MYH4: variants seen among roughly 807,000 people sequenced by gnomAD.
MYH4 encodes myosin-4.
Under a neutral mutation model 229.9 loss-of-function variants are expected in MYH4, and 200 were observed. The observed-to-expected ratio is 0.87, with a 90% CI of 0.78 to 0.98. The LOEUF (loss-of-function observed/expected upper bound fraction) is 0.98, where lower values mean the gene tolerates loss of function less well. Among genes scored for constraint, MYH4 ranks in the 50% least tolerant of loss-of-function variants. The pLI, the probability that MYH4 is intolerant of heterozygous loss-of-function variation, is 0.00. For synonymous variants in MYH4, 761 were observed against 834.6 expected, an observed-to-expected ratio of 0.91 and a Z score of 1.52; for missense variants, 2,148 against 2,332.6, an observed-to-expected ratio of 0.92 and a Z score of 1.63.
chr17:10,460,669 A>G (rs918876844), intron 12 of MYH4, among the ~76,000 whole-genome samples: 6 of 152,256 alleles, frequency 3.9e-5, no homozygotes, highest in African/African-American at 1.4e-4. Context: ...CACACAGATT[A>G]TCCTGAAATA....
chr17:10,464,612 G>A lies in MYH4; in HGVS notation c.534-26C>T, dbSNP rs768308289. 11 of 1,613,506 alleles carry A rather than the reference G, an allele frequency of 6.8e-6. No individual in the cohort carries two copies. The African/African-American group carries it at 1.2e-4, about 18-fold the overall frequency. ...CTATCAAGTTCAAACAGAAGAAAAG[G>A]TCAGAATCTAAGGTAGTAGTAGCCA... On this transcript the variant is annotated intron_variant, in intron 6 of 39. Transcript: ENST00000255381.
At position 10,466,670 on chromosome 17, in the gene MYH4, C is replaced by T. The variant is rs2072771484; in HGVS notation, c.76G>A (p.Glu26Lys). The change falls in exon 3 of 40, where the codon GAA (glutamate) becomes AAA (lysine). Residue 26 changes from glutamate to lysine, a missense_variant. Glu to Lys is a moderately conservative substitution (Grantham distance 56). Transcript: ENST00000255381. ...GCATCAAAAGGCTTGTTCTGAGCTT[C>T]AATTCGCTCCTTTTCAGACTTTCGG... ...FLRKSEKERI[E>K]AQNKPFDAKT... is the part of the protein sequence containing the mutation. 6.2e-7 allele frequency: 1 copy of T among 1,614,028 alleles called. No homozygotes were observed. The highest frequency in any genetic ancestry group is 8.5e-7 in the Non-Finnish European group (1 of 1,180,044).
intron 15 of MYH4, 84 bp from the exon 16 acceptor site, chr17:10,457,813 A>G (rs538868389): frequency 1.0e-5 from 15 of 1,477,482 alleles, no homozygotes; most frequent in South Asian, 9.5e-5. Context: ...TGAAAATACA[A>G]TGTTTCAAAA....
Position 10,452,250 on chromosome 17 carries a change from G to A in MYH4, c.3429C>T (p.Leu1143=), listed in dbSNP as rs2072584768. ...CACTGATCTCCTCCAGCTCCCGGGAGAGGTCAGAGCGCTGCTTCTCTGCTT... is the reference window on the plus strand; with the variant it reads ...CACTGATCTCCTCCAGCTCCCGGGAAAGGTCAGAGCGCTGCTTCTCTGCTT... ...RAKAEKQRSD[L]SRELEEISER... is the part of the protein sequence containing the mutation. The change falls in exon 27 of 40, where the codon CTC becomes CTT. Residue 1143 remains leucine (L), a synonymous_variant. Transcript: ENST00000255381. The A allele has an allele frequency of 1.4e-5, 23 of 1,613,978 alleles. No homozygotes were observed. Among genetic ancestry groups the A allele is most frequent in the Non-Finnish European group, 1.9e-5 (23 of 1,180,016 alleles).
In MYH4 at chr17:10,466,773, G is replaced by A; in HGVS notation, c.-28C>T. The A allele has an allele frequency of 6.2e-7, 1 of 1,613,152 alleles. No homozygotes were observed. The highest frequency in any genetic ancestry group is 8.5e-7 in the Non-Finnish European group (1 of 1,179,162). ...CTGCAGGTTATTGATGGCAGTACTG[G>A]ACTAGGTATACCTAGAGGAAGAAAC... On this transcript the variant is annotated 5_prime_UTR_variant, in exon 3 of 40. Coordinates refer to ENST00000255381, the MANE Select transcript of MYH4 (RefSeq NM_017533.2).
intron 4 of MYH4, 27 bp from the exon 5 acceptor site, chr17:10,465,625 T>TA: frequency 3.1e-6 from 5 of 1,613,982 alleles, no homozygotes; most frequent in Non-Finnish European, 4.2e-6. Context: ...GGTTCCTCGA[T>TA]CAGCAATCAC....
At position 10,452,513 on chromosome 17, in the gene MYH4, G is replaced by C; in HGVS notation, c.3258-7C>G. The C allele has an allele frequency of 6.2e-7, 1 of 1,611,974 alleles. No individual in the cohort carries two copies. The highest frequency in any genetic ancestry group is 1.1e-5 in the South Asian group (1 of 91,000). Reference sequence around the variant, plus strand: ...GCTCATTTCAAACTCTTTCCTATTAGAAGAGCAACACATTAGCTTATAATC... The same window carrying C: ...GCTCATTTCAAACTCTTTCCTATTACAAGAGCAACACATTAGCTTATAATC... On this transcript the variant is annotated splice_region_variant and splice_polypyrimidine_tract_variant and intron_variant, in intron 25 of 39. Coordinates refer to ENST00000255381, the MANE Select transcript of MYH4 (RefSeq NM_017533.2).
At position 10,447,892 on chromosome 17, in the gene MYH4, T is replaced by C. The variant is rs965232190; in HGVS notation, c.4891A>G (p.Ile1631Val). 1 of 1,613,944 alleles carries C rather than the reference T, an allele frequency of 6.2e-7. No homozygotes were observed. Among genetic ancestry groups the C allele is most frequent in the Admixed American group, 1.7e-5 (1 of 59,994 alleles). Reference protein sequence around the residue: ...KMEGDLNEMEIQLNHANRQAA... With the variant: ...KMEGDLNEMEVQLNHANRQAA... The stretch of plus-strand genomic sequence containing the variant: ...TGGCGGTTGGCATGGTTCAGCTGGA[T>C]TTCCATTTCATTAAGATCTCCCTCC... Residue 1631 changes from isoleucine (I) to valine (V), a missense_variant, in exon 34 of 40, where the codon ATC becomes GTC. Physicochemically the swap from Ile to Val is conservative, Grantham distance 29. Coordinates refer to ENST00000255381, the MANE Select transcript of MYH4 (RefSeq NM_017533.2).
chr17:10,450,523 C>A lies in MYH4; in HGVS notation c.4111G>T (p.Glu1371Ter). The change falls in exon 30 of 40, where the codon GAG becomes TAG. Residue 1371 changes from glutamate to a stop codon, truncating the protein, a stop_gained. Coordinates refer to ENST00000255381, the MANE Select transcript of MYH4 (RefSeq NM_017533.2). LOFTEE classifies it high-confidence loss of function. ...LQRGMSKANS[E>*]VAQWRTKYET... ...TACTTGGTCCTCCACTGGGCAACCT[C>A]ACTGTTGGCCTTGGACATTCCCCTC... 1 of 1,614,162 alleles carries A rather than the reference C, an allele frequency of 6.2e-7. No individual in the cohort carries two copies. Among genetic ancestry groups the A allele is most frequent in the South Asian group, 1.1e-5 (1 of 91,090 alleles).
chr17:10,452,304 T>G lies in MYH4; in HGVS notation c.3375A>C (p.Glu1125Asp). The change falls in exon 27 of 40, where the codon GAA becomes GAC. Residue 1125 changes from glutamate to aspartate, a missense_variant. Physicochemically the swap from Glu to Asp is conservative, Grantham distance 45 (BLOSUM62 2). Coordinates refer to ENST00000255381, the MANE Select transcript of MYH4 (RefSeq NM_017533.2). ...LQARIEELEE[E>D]IEAERASRAK... is the part of the protein sequence containing the mutation. ...CCCGGGAGGCCCGCTCTGCCTCGAT[T>G]TCCTCCTCCAGCTCCTCAATGCGGG... The G allele has an allele frequency of 6.2e-7, 1 of 1,614,120 alleles. No homozygotes were observed. The highest frequency in any genetic ancestry group is 8.5e-7 in the Non-Finnish European group (1 of 1,180,022).
chr17:10,452,168 G>T lies in MYH4; in HGVS notation c.3511C>A (p.Arg1171=), dbSNP rs768048365. ...TSAQIEMNKK[R]EAEFQKMRRD... is the part of the protein sequence containing the mutation. ...CGCATTTTCTGGAACTCAGCCTCCCGCTTCTTGTTCATCTCAATCTGGGCT... is the reference window on the plus strand; with the variant it reads ...CGCATTTTCTGGAACTCAGCCTCCCTCTTCTTGTTCATCTCAATCTGGGCT... Residue 1171 remains arginine (R), a synonymous_variant, in exon 27 of 40, where the codon CGG becomes AGG. Coordinates refer to ENST00000255381, the MANE Select transcript of MYH4 (RefSeq NM_017533.2). 3 of 1,613,888 alleles carry T rather than the reference G, an allele frequency of 1.9e-6. No homozygotes were observed. The highest frequency in any genetic ancestry group is 2.5e-6 in the Non-Finnish European group (3 of 1,180,020).
chr17:10,446,006 T>A lies in MYH4; in HGVS notation c.5170-644A>T, dbSNP rs563468729. ...TCGCACCACTGCACTCCAGCCTGGG[T>A]GACAGAGTGAGACCCCTTCTCAAAA... is the stretch of plus-strand genomic sequence containing the variant. On this transcript the variant is annotated intron_variant, in intron 35 of 39. Transcript: ENST00000255381. 5.9e-3 allele frequency among the ~76,000 whole-genome samples: 648 copies of A among 110,470 alleles called. 11 individuals are homozygous for A. The Middle Eastern group carries it at 0.13, about 22-fold the overall frequency. 72.5% of individuals were successfully genotyped at this position (110,470 alleles called of 152,430 possible).
In MYH4 at chr17:10,452,004, C is replaced by G; in HGVS notation, c.3675G>C (p.Lys1225Asn). Residue 1225 changes from lysine to asparagine, a missense_variant, in exon 27 of 40, where the codon AAG becomes AAC. Physicochemically the swap from Lys to Asn is moderately conservative, Grantham distance 94 (BLOSUM62 0). Coordinates refer to ENST00000255381, the MANE Select transcript of MYH4 (RefSeq NM_017533.2). ...CATTGATCTCCATCTTCAGCTCACT[C>G]TTTTCCTTCTCCAGCTTCTGCTTGA... ...QRVKQKLEKE[K>N]SELKMEINDL... is the part of the protein sequence containing the mutation. The G allele has an allele frequency of 2.5e-6, 4 of 1,613,870 alleles. No individual in the cohort carries two copies. Among genetic ancestry groups the G allele is most frequent in the Non-Finnish European group, 3.4e-6 (4 of 1,179,860 alleles).
Position 10,453,262 on chromosome 17 carries a change from T to C in MYH4, c.3001A>G (p.Lys1001Glu), listed in dbSNP as rs1472684397. Reference sequence around the variant, plus strand: ...TGCTGGTGGGCCTCCTGGAGAGCCTTCTTCTCCTTGGTCAGCTTAGCAATG... The same window carrying C: ...TGCTGGTGGGCCTCCTGGAGAGCCTCCTTCTCCTTGGTCAGCTTAGCAATG... The part of the protein sequence containing the change: ...ETIAKLTKEK[K>E]ALQEAHQQTL... Residue 1001 changes from lysine (K) to glutamate (E), a missense_variant, in exon 24 of 40, where the codon AAG becomes GAG. Coordinates refer to ENST00000255381, the MANE Select transcript of MYH4 (RefSeq NM_017533.2). 1 of 1,614,078 alleles carries C rather than the reference T, an allele frequency of 6.2e-7. No homozygotes were observed. Among genetic ancestry groups the C allele is most frequent in the Non-Finnish European group, 8.5e-7 (1 of 1,180,008 alleles).
chr17:10,453,031 C>G, intron 24 of MYH4, 99 bp from the exon 25 acceptor site: 1 of 1,584,714 alleles, frequency 6.3e-7, no homozygotes, highest in Non-Finnish European at 8.6e-7. Flanking sequence ...AAAGATACAA[C>G]AAATAGCACA....
chr17:10,445,378 G>A lies in MYH4; in HGVS notation c.5170-16C>T. 1 of 1,576,668 alleles carries A rather than the reference G, an allele frequency of 6.3e-7. No individual in the cohort carries two copies. The highest frequency in any genetic ancestry group is 8.6e-7 in the Non-Finnish European group (1 of 1,161,078). ...GGCTGGTGTTCTGTTTCAAATTAAT[G>A]AAAGAGAAGAGAAGCACATTTACTT... On this transcript the variant is annotated splice_polypyrimidine_tract_variant and intron_variant, in intron 35 of 39. Transcript: ENST00000255381.
At position 10,445,062 on chromosome 17, in the gene MYH4, C is replaced by T. The variant is rs759041439; in HGVS notation, c.5380G>A (p.Val1794Met). Residue 1794 changes from valine to methionine, a missense_variant, in exon 37 of 40, where the codon GTG (valine) becomes ATG (methionine). Transcript: ENST00000255381. ...ERMKKNMEQTVKDLQLRLDEA... is the reference protein window; with the variant it reads ...ERMKKNMEQTMKDLQLRLDEA... ...TCCAGACGGAGCTGCAGATCCTTCACGGTCTGCTCCATGTTCTTCTTCATC... is the reference window on the plus strand; with the variant it reads ...TCCAGACGGAGCTGCAGATCCTTCATGGTCTGCTCCATGTTCTTCTTCATC... 134 of 1,614,070 alleles carry T rather than the reference C, an allele frequency of 8.3e-5. No individual in the cohort carries two copies. The Admixed American group carries it at 1.9e-3, about 23-fold the overall frequency.
chr17:10,451,641 A>G (rs1364971208), intron 27 of MYH4, among the ~76,000 whole-genome samples, 189 bp from the exon 28 acceptor site: 1 of 152,210 alleles, frequency 6.6e-6, no homozygotes, highest in African/African-American at 2.4e-5. Context: ...TATCAAAATT[A>G]TATTCTCTTT....
intron 36 of MYH4, 42 bp from the exon 37 acceptor site, chr17:10,445,188 T>G (rs2072498273): frequency 6.2e-7 from 1 of 1,614,178 alleles, no homozygotes; most frequent in South Asian, 1.1e-5. Flanking sequence ...ATTCTGATGA[T>G]AGCAGGCAGC....
Sources: gnomAD v4.1 joint callset for allele counts (sites outside exome capture counted in the v4.1 genomes callset) on GRCh38, gnomAD v4.1.1 for gene constraint, MANE v1.5 for transcripts, NCBI Gene and HGNC (gene_info 2026-07-23, HGNC 2026-07-21) for gene names.